The following PTPN13 variants were observed in gnomAD, a reference collection of about 807,000 sequenced individuals.
The protein encoded by PTPN13 is tyrosine-protein phosphatase non-receptor type 13.
A neutral mutation model predicts 284.0 loss-of-function variants in PTPN13; 191 were observed. That is an observed-to-expected ratio of 0.67 (90% CI 0.60 to 0.76). PTPN13 has a LOEUF of 0.76. Ranked by LOEUF, PTPN13 falls within the 30% of genes least tolerant of loss-of-function variation. The pLI is 0.00. For missense variants in PTPN13, 2,797 were observed against 2,939.9 expected (o/e 0.95, Z 1.12); for synonymous variants, 986 against 1,022.3 (o/e 0.96, Z 0.68).
At chr4:86,706,294 G>T (rs1295730850) in intron 7 of PTPN13, among the ~76,000 whole-genome samples, 3 of 152,164 alleles carry the variant, frequency 2.0e-5, no homozygotes, top group African/African-American at 7.2e-5. Context: ...ATTTAAAGAA[G>T]AGACCAGATA....
At chr4:86,755,162 C>T (rs576305262) in intron 20 of PTPN13, among the ~76,000 whole-genome samples, 4 of 151,932 alleles carry the variant, frequency 2.6e-5, no homozygotes, top group Non-Finnish European at 5.9e-5. Flanking sequence ...TTAAATTATT[C>T]ATCACTTAGA....
At chr4:86,794,156 A>G (rs2149345544) in intron 40 of PTPN13, among the ~76,000 whole-genome samples, 1 of 152,266 alleles carries the variant, frequency 6.6e-6, no homozygotes, top group East Asian at 1.9e-4. Flanking sequence ...AGAAAACCCC[A>G]TCGTCTCAGT....
In PTPN13 at chr4:86,732,697, G is replaced by A. The variant is rs763449541; in HGVS notation, c.1789G>A (p.Val597Met). 1.1e-5 allele frequency: 17 copies of A among 1,613,650 alleles called. No individual in the cohort carries two copies. In the Admixed American group the frequency reaches 2.8e-4, roughly 27 times the overall value. Residue 597 changes from valine to methionine, a missense_variant, in exon 12 of 48, where the codon GTG becomes ATG. By Grantham distance (21) the Val-to-Met change is conservative. Coordinates refer to ENST00000411767, the MANE Select transcript of PTPN13 (RefSeq NM_080683.3). ...TGATACCAAAACTATATGTAAAGAT[G>A]TGTTTGATATGGTTGTGGCACATAT... is the stretch of plus-strand genomic sequence containing the variant. ...TCDTKTICKDVFDMVVAHIGL... is the reference protein window; with the variant it reads ...TCDTKTICKDMFDMVVAHIGL...
intron 10 of PTPN13, among the ~76,000 whole-genome samples, chr4:86,731,576 G>A (rs1472541787): frequency 6.6e-6 from 1 of 152,130 alleles, no homozygotes; most frequent in South Asian, 2.1e-4. Context: ...GATTACAGGT[G>A]GATATATACA....
At chr4:86,774,701 TTATATA>T (rs34474473) in intron 33 of PTPN13, among the ~76,000 whole-genome samples, 170 bp downstream of exon 33, 1 of 110,578 alleles carries the variant, frequency 9.0e-6, no homozygotes. Flanking sequence ...GGAAATTATT[TTATATA>T]TATATATATA....
At chr4:86,773,749 C>T (rs1451615061) in intron 32 of PTPN13, among the ~76,000 whole-genome samples, 1 of 151,642 alleles carries the variant, frequency 6.6e-6, no homozygotes, top group East Asian at 1.9e-4. Context: ...GGGTGTGCAG[C>T]ATCTACATCT....
intron 15 of PTPN13, 45 bp from the exon 16 acceptor site, chr4:86,741,589 C>G: frequency 6.6e-7 from 1 of 1,524,750 alleles, no homozygotes; most frequent in Non-Finnish European, 9.0e-7. Flanking sequence ...CTTTATGTCA[C>G]CATTTACCAA....
chr4:86,789,603 CT>C (rs1578677446), intron 40 of PTPN13, among the ~76,000 whole-genome samples: 2 of 152,140 alleles, frequency 1.3e-5, no homozygotes, highest in African/African-American at 4.8e-5. Context: ...TCTCAAGTTA[CT>C]GGATCTGGAT....
intron 17 of PTPN13, 70 bp downstream of exon 17, chr4:86,745,198 G>T: frequency 7.2e-7 from 1 of 1,393,604 alleles, no homozygotes; most frequent in Non-Finnish European, 9.8e-7. Context: ...AGTTTTAAAA[G>T]AACTGCCATG....
chr4:86,693,784 A>T, intron 6 of PTPN13, 110 bp downstream of exon 6: 1 of 653,596 alleles, frequency 1.5e-6, no homozygotes, highest in Non-Finnish European at 2.4e-6. Context: ...CTATGATTAG[A>T]ACGTAAACGT....
At chr4:86,808,868 A>G (rs1454682855) in intron 45 of PTPN13, among the ~76,000 whole-genome samples, 5 of 152,172 alleles carry the variant, frequency 3.3e-5, no homozygotes, top group East Asian at 1.9e-4. Flanking sequence ...GAGAAGGACA[A>G]TTGGCTGGGG....
intron 3 of PTPN13, among the ~76,000 whole-genome samples, chr4:86,683,538 G>A (rs1388579914): frequency 1.3e-5 from 2 of 152,148 alleles, no homozygotes; most frequent in African/African-American, 4.8e-5. Flanking sequence ...AGGGCAGTCT[G>A]CTTTACTCAG....
rs1014750813 is a variant in PTPN13 at position 86,773,930 on chromosome 4, C to CA, written c.5350-434dup. On this transcript the variant is annotated intron_variant, in intron 32 of 47. Coordinates refer to ENST00000411767, the MANE Select transcript of PTPN13 (RefSeq NM_080683.3). Reference sequence around the variant, plus strand: ...TCACCGAAAGACTTCATATTTTTACCAAAAAAAAAGCTTTGTTGTGGCTCT... The same window carrying CA: ...TCACCGAAAGACTTCATATTTTTACCAAAAAAAAAAGCTTTGTTGTGGCTCT... Among the ~76,000 whole-genome samples, 64 of 147,882 alleles carry CA rather than the reference C, an allele frequency of 4.3e-4. 1 individual carries two copies. The East Asian group carries it at 6.1e-3, about 14-fold the overall frequency.
chr4:86,662,769 A>G (rs1416313684), intron 2 of PTPN13, among the ~76,000 whole-genome samples: 2 of 152,240 alleles, frequency 1.3e-5, no homozygotes, highest in African/African-American at 2.4e-5. Flanking sequence ...TATTAATTCC[A>G]TGACCTTGAG....
chr4:86,805,878 C>T (rs535628211), intron 44 of PTPN13, among the ~76,000 whole-genome samples: 32 of 152,128 alleles, frequency 2.1e-4, no homozygotes, highest in African/African-American at 7.5e-4. Flanking sequence ...CATTTTGGCC[C>T]GGTGCAGTGG....
chr4:86,735,811 G>C (rs1315814940), intron 15 of PTPN13, 65 bp downstream of exon 15: 7 of 1,446,484 alleles, frequency 4.8e-6, no homozygotes, highest in African/African-American at 1.4e-5. Context: ...AAGTGTTAGA[G>C]GACACATATC....
chr4:86,652,790 T>C (rs545840244), intron 2 of PTPN13, among the ~76,000 whole-genome samples: 1 of 152,294 alleles, frequency 6.6e-6, no homozygotes, highest in South Asian at 2.1e-4. Context: ...TACTTGGATA[T>C]TCATACTGTA....
At chr4:86,773,689 T>C (rs1001176487) in intron 32 of PTPN13, among the ~76,000 whole-genome samples, 5 of 149,944 alleles carry the variant, frequency 3.3e-5, no homozygotes, top group Admixed American at 6.7e-5. Flanking sequence ...AAATTTCCAG[T>C]TACCCTTTTT....
intron 2 of PTPN13, among the ~76,000 whole-genome samples, chr4:86,655,296 A>G (rs952927196): frequency 3.3e-5 from 5 of 152,150 alleles, no homozygotes; most frequent in Middle Eastern, 3.4e-3. Flanking sequence ...GATGTTAGCT[A>G]GTTATTTTGC....
Sources: allele counts gnomAD v4.1 joint callset (sites outside exome capture counted in the v4.1 genomes callset), GRCh38; gene constraint gnomAD v4.1.1; transcripts MANE v1.5; gene names NCBI Gene and HGNC (gene_info 2026-07-23, HGNC 2026-07-21).